Variants in PCNT observed in about 807,000 individuals in gnomAD.
PCNT encodes kendrin.
In PCNT, 319 loss-of-function variants were observed where a neutral mutation model predicts 380.4. That is an observed-to-expected ratio of 0.84 (90% confidence interval 0.77 to 0.92). PCNT has a LOEUF of 0.92. Among genes scored for constraint, PCNT ranks in the 40% least tolerant of loss-of-function variants. The pLI is 0.00. For synonymous variants in PCNT, 1,845 were observed against 1,735.2 expected, an observed-to-expected ratio of 1.06 and a Z score of -1.57; for missense variants, 4,400 against 4,255.3, an observed-to-expected ratio of 1.03 and a Z score of -0.95.
chr21:46,397,622 C>T (rs2086251875), intron 22 of PCNT, 128 bp downstream of exon 22: 7 of 770,542 alleles, frequency 9.1e-6, no homozygotes, highest in Non-Finnish European at 1.5e-5. Flanking sequence ...ACCTGCTGCA[C>T]AGGTGCACCC....
At position 46,420,113 on chromosome 21, in the gene PCNT, C is replaced by T. The variant is rs190728509; in HGVS notation, c.7024+1807C>T. Among the ~76,000 whole-genome samples, 298 of 152,210 alleles carry T rather than the reference C, an allele frequency of 2.0e-3. 2 individuals are homozygous for T. Among genetic ancestry groups the T allele is most frequent in the African/African-American group, 6.8e-3 (282 of 41,534 alleles). On this transcript the variant is annotated intron_variant, in intron 31 of 46. Coordinates refer to ENST00000359568, the MANE Select transcript of PCNT (RefSeq NM_006031.6). ...TGACGCACAACCTTTGAGGGGCCTG[C>T]GCGGTCAGGGTGTCCGCCGCCTCTG...
At position 46,425,347 on chromosome 21, in the gene PCNT, C is replaced by T. The variant is rs2087450444; in HGVS notation, c.7180-484C>T. On this transcript the variant is annotated intron_variant, in intron 32 of 46. Transcript: ENST00000359568. This position sits in a 1 kb window ranked among gnomAD's most constrained non-coding sequence, Gnocchi z 4.2. The stretch of plus-strand genomic sequence containing the variant: ...GTGCCCAGCACAGGCAGCTTCACCC[C>T]ACGCTGGTGGTCGGCACTGGCCTCA... 6.6e-6 allele frequency among the ~76,000 whole-genome samples: 1 copy of T among 152,266 alleles called. No homozygotes were observed. Among genetic ancestry groups the T allele is most frequent in the Non-Finnish European group, 1.5e-5 (1 of 68,052 alleles).
chr21:46,397,142 C>G, intron 21 of PCNT, 123 bp from the exon 22 acceptor site: 1 of 793,010 alleles, frequency 1.3e-6, no homozygotes. Context: ...GCGTTTTACC[C>G]CGAATTGAAG....
Position 46,416,277 on chromosome 21 carries a change from C to T in PCNT, c.6359C>T (p.Pro2120Leu). 1 of 1,614,178 alleles carries T rather than the reference C, an allele frequency of 6.2e-7. No homozygotes were observed. Among genetic ancestry groups the T allele is most frequent in the Non-Finnish European group, 8.5e-7 (1 of 1,180,040 alleles). Residue 2120 changes from proline to leucine, a missense_variant, in exon 30 of 47, where the codon CCT (proline) becomes CTT (leucine). Transcript: ENST00000359568. ...WSDDSCDGEE[P>L]DISPHIDTCD... ...GATGATTCCTGTGACGGAGAAGAGC[C>T]TGACATATCACCCCACATAGACACA...
At chr21:46,356,728 G>C (rs552267429) in intron 12 of PCNT, among the ~76,000 whole-genome samples, 1 of 152,238 alleles carries the variant, frequency 6.6e-6, no homozygotes, top group Non-Finnish European at 1.5e-5. Flanking sequence ...TGGCTGTCGT[G>C]TGGGCCCAGG....
At chr21:46,417,775 C>A (rs190919983) in intron 30 of PCNT, among the ~76,000 whole-genome samples, 2 of 151,996 alleles carry the variant, frequency 1.3e-5, no homozygotes, top group East Asian at 3.9e-4. Flanking sequence ...GTGCTGGTGC[C>A]GCCCATGGTC....
chr21:46,430,138 C>T lies in PCNT; in HGVS notation c.7819C>T (p.Arg2607Ter), dbSNP rs749426946. ...KLLAAEQTVV[R>*]DLKSDLCESR... is the part of the protein sequence containing the mutation. ...CCTGGCGGCGGAGCAGACTGTAGTG[C>T]GAGATTTGAAGTCCGACCTCTGTGA... The change falls in exon 36 of 47, where the codon CGA becomes TGA. Residue 2607 changes from arginine to a stop codon, truncating the protein, a stop_gained. Transcript: ENST00000359568. LOFTEE classifies it high-confidence loss of function. 6.2e-6 allele frequency: 10 copies of T among 1,614,190 alleles called. No individual in the cohort carries two copies. The highest frequency in any genetic ancestry group is 1.7e-5 in the Admixed American group (1 of 60,030).
intron 39 of PCNT, among the ~76,000 whole-genome samples, chr21:46,436,469 G>GCCCC (rs769557050): frequency 6.7e-4 from 27 of 40,030 alleles, no homozygotes; most frequent in Non-Finnish European, 8.7e-4. Context: ...AGCCTCCTGT[G>GCCCC]GCCCCCCCCC....
At chr21:46,325,173 G>T (rs2083333748) in intron 1 of PCNT, 3 of 985,784 alleles carry the variant, frequency 3.0e-6, no homozygotes, top group African/African-American at 1.7e-5. Flanking sequence ...TCCCGAAAGC[G>T]CGAGGCGGAA....
chr21:46,382,443 T>C (rs963074398), intron 16 of PCNT, among the ~76,000 whole-genome samples: 3 of 146,218 alleles, frequency 2.1e-5, no homozygotes, highest in Non-Finnish European at 3.0e-5. Context: ...GTATATTCAG[T>C]GGCGGAAGCG....
chr21:46,374,675 C>T (rs2085274614), intron 15 of PCNT, among the ~76,000 whole-genome samples: 2 of 152,012 alleles, frequency 1.3e-5, no homozygotes, highest in South Asian at 4.1e-4. Flanking sequence ...CACAGAGAAA[C>T]CCTGTCTTTA....
chr21:46,327,573 A>ATTTTATTT (rs1359206910), intron 2 of PCNT, among the ~76,000 whole-genome samples: 1 of 151,890 alleles, frequency 6.6e-6, no homozygotes, highest in African/African-American at 2.4e-5. Flanking sequence ...GCCCTGTTTT[A>ATTTTATTT]TCTTTATTAT....
At chr21:46,389,163 C>A in intron 18 of PCNT, 36 bp from the exon 19 acceptor site, 1 of 1,591,908 alleles carries the variant, frequency 6.3e-7, no homozygotes, top group Non-Finnish European at 8.6e-7. Context: ...GGCTTGCTCA[C>A]TGAGCCGCGT....
chr21:46,399,265 G>A (rs199670975), intron 24 of PCNT, among the ~76,000 whole-genome samples: 1 of 151,152 alleles, frequency 6.6e-6, no homozygotes, highest in Non-Finnish European at 1.5e-5. Flanking sequence ...TGTGCAGCCT[G>A]TGGGTCTGGG....
intron 13 of PCNT, among the ~76,000 whole-genome samples, chr21:46,358,708 T>C (rs774272479): frequency 1.3e-5 from 2 of 151,190 alleles, no homozygotes; most frequent in Non-Finnish European, 2.9e-5. Flanking sequence ...CACTGCAACC[T>C]TCACCTCCTG....
intron 15 of PCNT, among the ~76,000 whole-genome samples, chr21:46,380,993 A>G (rs1401109855): frequency 6.6e-6 from 1 of 152,088 alleles, no homozygotes; most frequent in African/African-American, 2.4e-5. Flanking sequence ...GTTTTGGTAG[A>G]AACCCTATCT....
intron 15 of PCNT, among the ~76,000 whole-genome samples, chr21:46,370,222 TC>T (rs1257340999): frequency 7.5e-6 from 1 of 133,194 alleles, no homozygotes; most frequent in African/African-American, 3.0e-5. Flanking sequence ...GGGGTGGGCA[TC>T]CGGGGGGGGG....
chr21:46,360,978 C>G (rs1320558879), intron 13 of PCNT, among the ~76,000 whole-genome samples: 1 of 152,136 alleles, frequency 6.6e-6, no homozygotes, highest in African/African-American at 2.4e-5. Flanking sequence ...TCTGCTTTTT[C>G]TTTTTTCTTG....
At chr21:46,363,330 A>C in intron 13 of PCNT, 150 bp from the exon 14 acceptor site, 1 of 693,656 alleles carries the variant, frequency 1.4e-6, no homozygotes, top group South Asian at 1.7e-5. Context: ...CATTGTCATC[A>C]ACATGAGAAT....
Sources: gnomAD v4.1 joint callset for allele counts (sites outside exome capture counted in the v4.1 genomes callset) on GRCh38, gnomAD v4.1.1 for gene constraint, Gnocchi (gnomAD v3.1) non-coding constraint, MANE v1.5 for transcripts, NCBI Gene and HGNC (gene_info 2026-07-23, HGNC 2026-07-21) for gene names.